RAD51B: variants seen among roughly 807,000 people sequenced by gnomAD.
RAD51B encodes RAD51 paralog B.
In RAD51B, 38 loss-of-function variants were observed where a neutral mutation model predicts 42.2. That is an observed-to-expected ratio of 0.90 (90% CI 0.70 to 1.18). The LOEUF is 1.18. RAD51B is among the 50% of genes most tolerant of loss of function. The probability of loss-of-function intolerance (pLI) is 0.00; values close to 1 mark genes in which losing one functional copy is unlikely to be tolerated. For missense variants in RAD51B, 373 were observed against 400.7 expected (o/e 0.93, Z 0.59); for synonymous variants, 154 against 145.2 (o/e 1.06, Z -0.43).
At chr14:68,359,083 G>A (rs1445068114) in intron 8 of RAD51B, among the ~76,000 whole-genome samples, 1 of 151,916 alleles carries the variant, frequency 6.6e-6, no homozygotes, top group Non-Finnish European at 1.5e-5. Flanking sequence ...GGTGCCATAG[G>A]CCAGCCTCTC....
intron 7 of RAD51B, among the ~76,000 whole-genome samples, chr14:68,211,319 A>G (rs1458804204): frequency 2.0e-5 from 3 of 152,118 alleles, no homozygotes; most frequent in Non-Finnish European, 4.4e-5. Context: ...CTCTCTAATC[A>G]CATTGCCCTC....
chr14:68,662,726 A>G (rs1021596579), intron 11 of RAD51B, among the ~76,000 whole-genome samples: 9 of 152,222 alleles, frequency 5.9e-5, no homozygotes, highest in African/African-American at 1.9e-4. Flanking sequence ...TGGTAAATCC[A>G]TGCTGATTCC....
At chr14:68,405,114 G>C (rs560288528) in intron 8 of RAD51B, among the ~76,000 whole-genome samples, 2 of 152,184 alleles carry the variant, frequency 1.3e-5, no homozygotes, top group South Asian at 4.1e-4. Flanking sequence ...CTGTCAATAG[G>C]GATGTTAATA....
chr14:68,499,720 A>G (rs1429685129), intron 10 of RAD51B, among the ~76,000 whole-genome samples: 1 of 152,134 alleles, frequency 6.6e-6, no homozygotes, highest in Non-Finnish European at 1.5e-5. Context: ...CAGTGTGACT[A>G]CGGAGGCAGA....
intron 7 of RAD51B, among the ~76,000 whole-genome samples, chr14:68,012,673 A>G (rs1416447062): frequency 1.3e-5 from 2 of 152,150 alleles, no homozygotes; most frequent in African/African-American, 4.8e-5. Flanking sequence ...CATGTGGTAT[A>G]TAAAATAAAA....
rs764236032 is a variant in RAD51B at position 67,835,122 on chromosome 14, G to A, written c.241G>A (p.Ala81Thr). 1.9e-6 allele frequency: 3 copies of A among 1,613,944 alleles called. No individual in the cohort carries two copies. The highest frequency in any genetic ancestry group is 2.5e-6 in the Non-Finnish European group (3 of 1,179,916). ...KAQRSADFSP[A>T]FLSTTLSALD... is the part of the protein sequence containing the mutation. ...ACAAAGGTCTGCTGATTTCTCACCA[G>A]CATTCTTATCTACTACCCTTTCTGC... is the stretch of plus-strand genomic sequence containing the variant. Residue 81 changes from alanine to threonine, a missense_variant, in exon 4 of 11, where the codon GCA becomes ACA. Coordinates refer to ENST00000471583, the MANE Select transcript of RAD51B (RefSeq NM_133510.4).
At chr14:67,821,770 T>A (rs2040635749) in intron 1 of RAD51B, among the ~76,000 whole-genome samples, 1 of 152,168 alleles carries the variant, frequency 6.6e-6, no homozygotes, top group Non-Finnish European at 1.5e-5. Context: ...CCTATGGTTC[T>A]TTTCTTTCTC....
intron 7 of RAD51B, among the ~76,000 whole-genome samples, chr14:67,939,988 A>C (rs1032720670): frequency 7.2e-6 from 1 of 138,798 alleles, no homozygotes; most frequent in African/African-American, 2.7e-5. Context: ...AAAAAATAAA[A>C]AGTATATATA....
intron 10 of RAD51B, among the ~76,000 whole-genome samples, chr14:68,474,326 C>T (rs187640254): frequency 3.1e-4 from 47 of 152,290 alleles, no homozygotes; most frequent in African/African-American, 1.1e-3. Context: ...TCTGCAGCCT[C>T]GTATAATCGT....
chr14:68,631,788 C>A (rs550128191), intron 10 of RAD51B, among the ~76,000 whole-genome samples: 1 of 152,174 alleles, frequency 6.6e-6, no homozygotes, highest in Non-Finnish European at 1.5e-5. Context: ...CCCTTGAAGA[C>A]GCCGCTCAGG....
At chr14:68,222,898 G>C (rs1016266929) in intron 7 of RAD51B, among the ~76,000 whole-genome samples, 1 of 151,950 alleles carries the variant, frequency 6.6e-6, no homozygotes, top group African/African-American at 2.4e-5. Context: ...TTTTCCCTGG[G>C]TGAGCTCTCA....
At chr14:68,493,368 G>C (rs186877129) in intron 10 of RAD51B, among the ~76,000 whole-genome samples, 302 of 152,130 alleles carry the variant, frequency 2.0e-3, no homozygotes, top group Non-Finnish European at 2.1e-3. Flanking sequence ...GGTATCTGCT[G>C]GTTTCTCCCT....
At chr14:67,948,971 C>T (rs1198123719) in intron 7 of RAD51B, among the ~76,000 whole-genome samples, 1 of 135,524 alleles carries the variant, frequency 7.4e-6, no homozygotes, top group African/African-American at 2.9e-5. Context: ...AATGTACATA[C>T]CTTAATTTAA....
chr14:68,051,898 G>A (rs1312469968), intron 7 of RAD51B, among the ~76,000 whole-genome samples: 1 of 147,686 alleles, frequency 6.8e-6, no homozygotes, highest in Non-Finnish European at 1.5e-5. Context: ...GTGTGTGTGT[G>A]TAAAATGCAG....
intron 7 of RAD51B, among the ~76,000 whole-genome samples, chr14:68,062,016 A>G (rs753095374): frequency 2.0e-5 from 3 of 152,304 alleles, no homozygotes; most frequent in African/African-American, 2.4e-5. Flanking sequence ...ACCATAAGGT[A>G]TGATGTTGGC....
At chr14:67,854,205 A>G (rs1207302790) in intron 4 of RAD51B, among the ~76,000 whole-genome samples, 3 of 152,232 alleles carry the variant, frequency 2.0e-5, no homozygotes, top group Non-Finnish European at 4.4e-5. Context: ...TACTGTATAA[A>G]TATCTGTGCT....
intron 10 of RAD51B, among the ~76,000 whole-genome samples, chr14:68,572,910 A>G (rs1889780283): frequency 6.6e-6 from 1 of 152,194 alleles, no homozygotes; most frequent in Non-Finnish European, 1.5e-5. Context: ...ACAGAACCCT[A>G]TGAAGAATGG....
chr14:68,314,155 A>T (rs2082013288), intron 8 of RAD51B, among the ~76,000 whole-genome samples: 1 of 152,172 alleles, frequency 6.6e-6, no homozygotes, highest in Non-Finnish European at 1.5e-5. Flanking sequence ...GGAAAGATTG[A>T]TCCAAGAGTG....
At chr14:68,063,486 A>C (rs2076601516) in intron 7 of RAD51B, among the ~76,000 whole-genome samples, 1 of 152,178 alleles carries the variant, frequency 6.6e-6, no homozygotes, top group Non-Finnish European at 1.5e-5. Flanking sequence ...CTGTAATCCC[A>C]GCACTTTGGG....
Sources: gnomAD v4.1 joint callset for allele counts (sites outside exome capture counted in the v4.1 genomes callset) on GRCh38, gnomAD v4.1.1 for gene constraint, MANE v1.5 for transcripts, NCBI Gene and HGNC (gene_info 2026-07-23, HGNC 2026-07-21) for gene names.